NFATC4: variants seen among roughly 807,000 people sequenced by gnomAD.
The protein encoded by NFATC4 is nuclear factor of activated T cells 4, also known as nuclear factor of activated T-cells, cytoplasmic 4.
A neutral mutation model predicts 73.4 loss-of-function variants in NFATC4; 25 were observed. That is an observed-to-expected ratio of 0.34 (90% confidence interval 0.25 to 0.48). The LOEUF is 0.48. NFATC4 is among the 20% of genes least tolerant of loss of function. The pLI, the probability that NFATC4 is intolerant of heterozygous loss-of-function variation, is 0.99. For synonymous variants in NFATC4, 523 were observed against 510.3 expected (o/e 1.02, Z -0.34); for missense variants, 1,130 against 1,203.7 (o/e 0.94, Z 0.91).
Position 24,376,904 on chromosome 14 carries a change from G to A in NFATC4, c.2641+26G>A, listed in dbSNP as rs1774401642. ...GTGGGTGTGGGACTGGGGGCTGTGA[G>A]TGTGAGTGTGTGCAAGAGATTGCTC... On this transcript the variant is annotated intron_variant, in intron 9 of 9. Transcript: ENST00000250373. The surrounding 1 kb of genome is among the most constrained non-coding windows in gnomAD (Gnocchi z 5.0). 4.6e-6 allele frequency: 7 copies of A among 1,516,608 alleles called. No individual in the cohort carries two copies. The highest frequency in any genetic ancestry group is 1.8e-4 in the Middle Eastern group (1 of 5,628). The allele number at this position is 1,516,608 out of a possible 1,614,324, so 93.9% of individuals were successfully genotyped here.
Position 24,376,213 on chromosome 14 carries a change from G to A in NFATC4, c.2057-81G>A, listed in dbSNP as rs2042610005. On this transcript the variant is annotated intron_variant, in intron 8 of 9. Transcript: ENST00000250373. The surrounding 1 kb of genome is among the most constrained non-coding windows in gnomAD (Gnocchi z 5.0). ...GCCAAGGGGTGAATGGAACCTGGGA[G>A]GAGCAGGCAGCTGGAAGGTGTGCAG... 8.9e-6 allele frequency: 14 copies of A among 1,573,294 alleles called. No homozygotes were observed. Among genetic ancestry groups the A allele is most frequent in the East Asian group, 2.2e-5 (1 of 44,496 alleles).
chr14:24,374,276 AC>A, intron 5 of NFATC4, 49 bp from the exon 6 acceptor site: 1 of 1,563,290 alleles, frequency 6.4e-7, no homozygotes. Flanking sequence ...AGAGGAGGCC[AC>A]CCCTCCATGC....
At chr14:24,374,189 C>A in intron 5 of NFATC4, 137 bp from the exon 6 acceptor site, 1 of 1,115,664 alleles carries the variant, frequency 9.0e-7, no homozygotes, top group Non-Finnish European at 1.3e-6. Context: ...ATGGATATTA[C>A]TGGTTTATTT....
At chr14:24,369,071 C>G (rs2042388848) in intron 1 of NFATC4, 1 of 1,409,550 alleles carries the variant, frequency 7.1e-7, no homozygotes, top group Non-Finnish European at 9.2e-7. Context: ...ACGCCCCCCT[C>G]CCCTCTGGCC....
intron 1 of NFATC4, chr14:24,368,858 C>T (rs1340118734): frequency 2.7e-5 from 5 of 186,316 alleles, no homozygotes; most frequent in Non-Finnish European, 4.2e-5. Context: ...GGGCGCCCCT[C>T]CCCCTCCCCC....
chr14:24,369,762 T>C lies in NFATC4; in HGVS notation c.364T>C (p.Ser122Pro). 1 of 1,600,358 alleles carries C rather than the reference T, an allele frequency of 6.2e-7. No homozygotes were observed. Among genetic ancestry groups the C allele is most frequent in the South Asian group, 1.1e-5 (1 of 89,982 alleles). The change falls in exon 2 of 10, where the codon TCT becomes CCT. Residue 122 changes from serine (S) to proline (P), a missense_variant. Ser to Pro is a moderately conservative substitution (Grantham distance 74). Transcript: ENST00000250373. ...TCCCAGCATCCGCATCACCTCCATC[T>C]CTCCCACGCCGGAGCCGCCAGCAGC... ...ECPSIRITSI[S>P]PTPEPPAALE...
chr14:24,372,570 C>A lies in NFATC4; in HGVS notation c.1326C>A (p.Val442=), dbSNP rs2139294560. The change falls in exon 3 of 10, where the codon GTC becomes GTA. Residue 442 remains valine, a synonymous_variant. Transcript: ENST00000250373. Reference sequence around the variant, plus strand: ...AGACAGAAGGCAGCCGTGGAGCTGTCAAAGCTGCCCCTGGCGGTCACCCCG... The same window carrying A: ...AGACAGAAGGCAGCCGTGGAGCTGTAAAAGCTGCCCCTGGCGGTCACCCCG... The part of the protein sequence containing the change: ...HYETEGSRGA[V]KAAPGGHPVV... 1 of 1,614,064 alleles carries A rather than the reference C, an allele frequency of 6.2e-7. No homozygotes were observed. The highest frequency in any genetic ancestry group is 2.2e-5 in the East Asian group (1 of 44,882).
At position 24,376,657 on chromosome 14, in the gene NFATC4, C is replaced by T. The variant is rs200885279; in HGVS notation, c.2420C>T (p.Pro807Leu). 1.1e-4 allele frequency: 182 copies of T among 1,613,408 alleles called. 1 individual carries two copies. Among genetic ancestry groups the T allele is most frequent in the South Asian group, 4.1e-4 (37 of 91,042 alleles). The change falls in exon 9 of 10, where the codon CCG becomes CTG. Residue 807 changes from proline (P) to leucine (L), a missense_variant. Around this residue, in one of 3 missense-constraint regions of NFATC4, gnomAD observed 390 missense variants for 408.1 expected, o/e 0.96. Transcript: ENST00000250373. This position sits in a 1 kb window ranked among gnomAD's most constrained non-coding sequence, Gnocchi z 5.0. ...TTCTCCCTGGGGCTGCCATTCTCTC[C>T]GCCAGCCCCCTTTCGGCCGCCTCCT... ...SSFSLGLPFS[P>L]PAPFRPPPLP...
At chr14:24,371,041 A>G (rs2139288251) in intron 2 of NFATC4, among the ~76,000 whole-genome samples, 1 of 152,344 alleles carries the variant, frequency 6.6e-6, no homozygotes, top group Middle Eastern at 3.4e-3. Flanking sequence ...CCCCTTCTGC[A>G]TTCCTTAATT....
In NFATC4 at chr14:24,373,409, G is replaced by C. The variant is rs1444638148; in HGVS notation, c.1559+39G>C. On this transcript the variant is annotated intron_variant, in intron 4 of 9. Transcript: ENST00000250373. This position sits in a 1 kb window ranked among gnomAD's most constrained non-coding sequence, Gnocchi z 4.7. ...AACTTCCCCTCAGTCCGCAGGCTTT[G>C]TACTAGCTTTCTCCACTGGGCCTAT... 4 of 1,607,526 alleles carry C rather than the reference G, an allele frequency of 2.5e-6. No individual in the cohort carries two copies. The highest frequency in any genetic ancestry group is 2.6e-6 in the Non-Finnish European group (3 of 1,175,852).
At position 24,377,559 on chromosome 14, in the gene NFATC4, G is replaced by C; in HGVS notation, c.2642-79G>C. 1 of 1,608,304 alleles carries C rather than the reference G, an allele frequency of 6.2e-7. No homozygotes were observed. Among genetic ancestry groups the C allele is most frequent in the Non-Finnish European group, 8.5e-7 (1 of 1,176,628 alleles). ...AGGCCTCCTAGATTAAGACCTGCCT[G>C]GAATGGATTGGGGGTGGGTCTTTGG... On this transcript the variant is annotated intron_variant, in intron 9 of 9. Transcript: ENST00000250373. This position sits in a 1 kb window ranked among gnomAD's most constrained non-coding sequence, Gnocchi z 4.2.
chr14:24,376,991 G>A lies in NFATC4; in HGVS notation c.2641+113G>A. ...AGATCGGGCATCCCTGGTCTCTCAG[G>A]GCCAGTTGGAGGTTCCCAGGAGGCA... On this transcript the variant is annotated intron_variant, in intron 9 of 9. Coordinates refer to ENST00000250373, the MANE Select transcript of NFATC4 (RefSeq NM_004554.5). The surrounding 1 kb of genome is among the most constrained non-coding windows in gnomAD (Gnocchi z 5.0). 6 of 1,408,230 alleles carry A rather than the reference G, an allele frequency of 4.3e-6. No homozygotes were observed. The highest frequency in any genetic ancestry group is 5.5e-6 in the Non-Finnish European group (6 of 1,086,156). The allele number at this position is 1,408,230 out of a possible 1,614,324, so 87.2% of individuals were successfully genotyped here.
chr14:24,373,167 C>T lies in NFATC4; in HGVS notation c.1360-4C>T, dbSNP rs200328372. The T allele has an allele frequency of 1.5e-4, 242 of 1,613,314 alleles. 2 individuals carry two copies. Among genetic ancestry groups the T allele is most frequent in the Non-Finnish European group, 2.4e-5 (28 of 1,179,438 alleles). Reference sequence around the variant, plus strand: ...ATGAGGTGGCCGCTCTCTCCCTCTGCCAGCTCCTAGGCTACAGTGAGAAGC... The same window carrying T: ...ATGAGGTGGCCGCTCTCTCCCTCTGTCAGCTCCTAGGCTACAGTGAGAAGC... On this transcript the variant is annotated splice_polypyrimidine_tract_variant and splice_region_variant and intron_variant, in intron 3 of 9. Coordinates refer to ENST00000250373, the MANE Select transcript of NFATC4 (RefSeq NM_004554.5). This position sits in a 1 kb window ranked among gnomAD's most constrained non-coding sequence, Gnocchi z 4.7.
chr14:24,377,796 TG>T lies in NFATC4; in HGVS notation c.*95del. 1 of 1,603,274 alleles carries T rather than the reference TG, an allele frequency of 6.2e-7. No homozygotes were observed. The highest frequency in any genetic ancestry group is 1.7e-5 in the Admixed American group (1 of 59,238). On this transcript the variant is annotated 3_prime_UTR_variant, in exon 10 of 10. Coordinates refer to ENST00000250373, the MANE Select transcript of NFATC4 (RefSeq NM_004554.5). The surrounding 1 kb of genome is among the most constrained non-coding windows in gnomAD (Gnocchi z 4.2). ...TCCTGGAGTGGTGGCTACAGAAGCTTGGGGCCAACCCTGGCTCCTCTTTCCC... is the reference window on the plus strand; with the variant it reads ...TCCTGGAGTGGTGGCTACAGAAGCTTGGGCCAACCCTGGCTCCTCTTTCCC...
intron 3 of NFATC4, 91 bp downstream of exon 3, chr14:24,372,694 C>G (rs886787303): frequency 7.2e-6 from 11 of 1,519,486 alleles, no homozygotes; most frequent in Admixed American, 1.8e-5. Flanking sequence ...TTCCCACACT[C>G]CCTCTCAGCT....
At chr14:24,367,221 G>A (rs2042331231), upstream of NFATC4, 1 of 1,613,864 alleles carries the variant, frequency 6.2e-7, no homozygotes, top group African/African-American at 1.3e-5. Flanking sequence ...CCAGGTGACA[G>A]GTGTCCAGCC....
chr14:24,367,005 T>C (rs891564014), upstream of NFATC4: 2 of 1,609,114 alleles, frequency 1.2e-6, no homozygotes, highest in Non-Finnish European at 1.7e-6. Flanking sequence ...ATTTAGAGAC[T>C]GGAGACGCGG....
chr14:24,377,262 G>T lies in NFATC4; in HGVS notation c.2642-376G>T, dbSNP rs1435900133. The T allele has an allele frequency of 8.0e-7, 1 of 1,246,536 alleles. No homozygotes were observed. The highest frequency in any genetic ancestry group is 1.0e-6 in the Non-Finnish European group (1 of 995,212). The allele number at this position is 1,246,536 out of a possible 1,614,324, so 77.2% of individuals were successfully genotyped here. On this transcript the variant is annotated intron_variant, in intron 9 of 9. Coordinates refer to ENST00000250373, the MANE Select transcript of NFATC4 (RefSeq NM_004554.5). This position sits in a 1 kb window ranked among gnomAD's most constrained non-coding sequence, Gnocchi z 4.2. ...GTCAAGCACACTTGCCATTGCCTCA[G>T]CTTTCCCCTAAACACGGTGTCTGTG...
Position 24,370,306 on chromosome 14 carries a change from T to C in NFATC4, c.908T>C (p.Leu303Ser). The C allele has an allele frequency of 6.2e-7, 1 of 1,611,184 alleles. No individual in the cohort carries two copies. Among genetic ancestry groups the C allele is most frequent in the Non-Finnish European group, 8.5e-7 (1 of 1,178,090 alleles). The change falls in exon 2 of 10, where the codon TTG becomes TCG. Residue 303 changes from leucine to serine, a missense_variant. Physicochemically the swap from Leu to Ser is moderately radical, Grantham distance 145. Coordinates refer to ENST00000250373, the MANE Select transcript of NFATC4 (RefSeq NM_004554.5). The stretch of plus-strand genomic sequence containing the variant: ...TCTGAGCCACCTCCACCACCCCCAT[T>C]GCCTCTGGCCCGGGACCCGGGCTCC... ...EGSEPPPPPP[L>S]PLARDPGSPG... is the part of the protein sequence containing the mutation.
Sources: allele counts gnomAD v4.1 joint callset (sites outside exome capture counted in the v4.1 genomes callset), GRCh38; gene constraint gnomAD v4.1.1; regional missense constraint gnomAD v4.1.1; non-coding constraint Gnocchi (gnomAD v3.1); transcripts MANE v1.5; gene names NCBI Gene and HGNC (gene_info 2026-07-23, HGNC 2026-07-21).